The following PCDH15 variants were observed in gnomAD, a reference collection of about 807,000 sequenced individuals.
PCDH15 encodes protocadherin related 15.
Under a neutral mutation model 178.5 loss-of-function variants are expected in PCDH15, and 129 were observed. The ratio of observed to expected loss-of-function variants is 0.72; its 90% CI spans 0.63 to 0.84. PCDH15 has a LOEUF of 0.84. PCDH15 is among the 40% of genes least tolerant of loss of function. The pLI is 0.00. For missense variants in PCDH15, 2,230 were observed against 2,099.9 expected (o/e 1.06, Z -1.21); for synonymous variants, 800 against 732.0 (o/e 1.09, Z -1.50).
intron 2 of PCDH15, among the ~76,000 whole-genome samples, chr10:54,534,863 C>T: frequency 6.6e-6 from 1 of 152,158 alleles, no homozygotes; most frequent in East Asian, 1.9e-4. Context: ...ACAGATACTA[C>T]TTATTTTACA....
At chr10:54,572,863 G>A (rs2090006270) in intron 2 of PCDH15, among the ~76,000 whole-genome samples, 1 of 152,088 alleles carries the variant, frequency 6.6e-6, no homozygotes, top group African/African-American at 2.4e-5. Context: ...TAATTTATGT[G>A]TTTCTTGTAT....
chr10:53,806,393 G>GA lies in PCDH15; in HGVS notation c.*185dup. ...AAGTATGTCCAAAAGGATTTTCTGG[G>GA]AAAAACGATTAATTGATAACAATGT... On this transcript the variant is annotated 3_prime_UTR_variant, in exon 38 of 38. Transcript: ENST00000644397. 1 of 549,514 alleles carries GA rather than the reference G, an allele frequency of 1.8e-6. No homozygotes were observed. Among genetic ancestry groups the GA allele is most frequent in the Non-Finnish European group, 3.1e-6 (1 of 321,292 alleles). The allele number at this position is 549,514 out of a possible 1,614,324, so 34.0% of individuals were successfully genotyped here.
chr10:55,160,786 C>T (rs1839045982), intron 2 of PCDH15, among the ~76,000 whole-genome samples: 1 of 152,110 alleles, frequency 6.6e-6, no homozygotes, highest in African/African-American at 2.4e-5. Context: ...AGCAGCAATA[C>T]TTTCTCATAA....
intron 3 of PCDH15, among the ~76,000 whole-genome samples, chr10:54,498,344 A>G (rs201885878): frequency 1.3e-5 from 2 of 152,182 alleles, no homozygotes; most frequent in East Asian, 3.8e-4. Flanking sequence ...CTGCTAATAC[A>G]AGAATGCACA....
intron 2 of PCDH15, among the ~76,000 whole-genome samples, chr10:55,109,528 G>A (rs1356975844): frequency 6.6e-6 from 1 of 152,072 alleles, no homozygotes. Flanking sequence ...AGTATTAAAT[G>A]TTTTGCTGAA....
chr10:55,302,113 T>C (rs1023541028), intron 1 of PCDH15, among the ~76,000 whole-genome samples: 4 of 152,174 alleles, frequency 2.6e-5, no homozygotes, highest in African/African-American at 9.6e-5. Context: ...TAAAATTTGA[T>C]AGGAATTTTA....
rs1307815907 is a variant in PCDH15 at position 54,020,480 on chromosome 10, TG to T, written c.2527-65del. The T allele has an allele frequency of 6.1e-6, 9 of 1,466,584 alleles. No individual in the cohort carries two copies. The Admixed American group carries it at 1.5e-4, about 25-fold the overall frequency. The allele number at this position is 1,466,584 out of a possible 1,614,324, so 90.8% of individuals were successfully genotyped here. A position where few individuals can be genotyped will look rare whatever the true frequency, so the allele number is the denominator to read the frequency against. On this transcript the variant is annotated intron_variant, in intron 19 of 37. Coordinates refer to ENST00000644397, the MANE Select transcript of PCDH15 (RefSeq NM_001384140.1). ...CCAAAATAAAGAAATGCAGGAAGGATGGAAGTCATGCGTTAGTGCCTAGGAC... is the reference window on the plus strand; with the variant it reads ...CCAAAATAAAGAAATGCAGGAAGGATGAAGTCATGCGTTAGTGCCTAGGAC...
rs1455955530 is a variant in PCDH15, at chr10:55,244,527, TC to T, written c.-156+75071del. Among the ~76,000 whole-genome samples the T allele has an allele frequency of 3.9e-5, 6 of 151,990 alleles. No homozygotes were observed. In the South Asian group the frequency reaches 6.2e-4, roughly 16 times the overall value. On this transcript the variant is annotated intron_variant, in intron 1 of 5. Coordinates refer to the PCDH15 transcript ENST00000458638. ...GAAAGAAGGGCAAGAAAATATGCAG[TC>T]TTCACAGTTTTCTGAGTTGTTCTGT...
chr10:54,935,951 C>G (rs900794834), intron 2 of PCDH15, among the ~76,000 whole-genome samples: 2 of 152,018 alleles, frequency 1.3e-5, no homozygotes, highest in Admixed American at 1.3e-4. Flanking sequence ...TTAGTGAATT[C>G]ACAGAGGTTT....
At chr10:54,369,346 C>A in intron 4 of PCDH15, 71 bp from the exon 5 acceptor site, 1 of 1,351,670 alleles carries the variant, frequency 7.4e-7, no homozygotes, top group South Asian at 1.2e-5. Context: ...TCAAAGCACT[C>A]GTTCATTCAG....
chr10:55,040,594 T>C (rs1236847149), intron 2 of PCDH15, among the ~76,000 whole-genome samples: 1 of 152,148 alleles, frequency 6.6e-6, no homozygotes, highest in Non-Finnish European at 1.5e-5. Flanking sequence ...TCTTTTTCCA[T>C]AGGGAAGACT....
chr10:55,036,345 T>C (rs1840733617), intron 2 of PCDH15, among the ~76,000 whole-genome samples: 1 of 152,188 alleles, frequency 6.6e-6, no homozygotes, highest in African/African-American at 2.4e-5. Flanking sequence ...AAATAACTAT[T>C]ACACTTATTA....
intron 21 of PCDH15, among the ~76,000 whole-genome samples, chr10:53,965,315 T>C (rs10825171): frequency 0.71 from 107,722 of 151,996 alleles, 38,526 homozygotes; most frequent in East Asian, 0.87. Flanking sequence ...GCCTTTGCCT[T>C]CCAAAGGGCT....
In PCDH15 at chr10:53,901,474, C is replaced by T. The variant is rs2610923; in HGVS notation, c.3501+1769G>A. 7.4e-3 allele frequency among the ~76,000 whole-genome samples: 1,125 copies of T among 152,148 alleles called. 10 individuals carry two copies. The highest frequency in any genetic ancestry group is 0.026 in the African/African-American group (1,063 of 41,534). On this transcript the variant is annotated intron_variant, in intron 26 of 37. Coordinates refer to ENST00000644397, the MANE Select transcript of PCDH15 (RefSeq NM_001384140.1). ...AGCCTATCAACGTCGTTCAAGCTAC[C>T]GTCAAATTTTTCCTGGACTCGTCAT...
chr10:54,262,883 C>T (rs1022496911), intron 8 of PCDH15, among the ~76,000 whole-genome samples: 4 of 151,966 alleles, frequency 2.6e-5, no homozygotes, highest in Non-Finnish European at 5.9e-5. Flanking sequence ...GTTGGGCTTG[C>T]CGCCAGGGCG....
intron 3 of PCDH15, among the ~76,000 whole-genome samples, chr10:54,432,107 G>T (rs182943250): frequency 4.9e-4 from 74 of 152,052 alleles, no homozygotes; most frequent in African/African-American, 1.3e-3. Context: ...CATGTTCATA[G>T]GTTGGAAGAA....
intron 19 of PCDH15, among the ~76,000 whole-genome samples, chr10:54,021,898 T>C (rs2092931695): frequency 6.6e-6 from 1 of 151,986 alleles, no homozygotes; most frequent in East Asian, 1.9e-4. Flanking sequence ...ATACTATACA[T>C]ACTGAAGACA....
chr10:55,427,677 T>C (rs1992818), intron 2 of PCDH15, among the ~76,000 whole-genome samples: 30,350 of 152,200 alleles, frequency 0.2, 4,009 homozygotes, highest in Non-Finnish European at 0.29. Context: ...ATTTAAAAAA[T>C]CCATTGCTAA....
intron 7 of PCDH15, among the ~76,000 whole-genome samples, chr10:54,327,725 C>T (rs1938468684): frequency 6.6e-6 from 1 of 151,984 alleles, no homozygotes; most frequent in South Asian, 2.1e-4. Flanking sequence ...TTTTAGCATC[C>T]CCTGCTATCT....
Sources: gnomAD v4.1 joint callset for allele counts (sites outside exome capture counted in the v4.1 genomes callset) on GRCh38, gnomAD v4.1.1 for gene constraint, MANE v1.5 for transcripts, NCBI Gene and HGNC (gene_info 2026-07-23, HGNC 2026-07-21) for gene names.